The following MLLT10 variants were observed in gnomAD, a reference collection of about 807,000 sequenced individuals.
MLLT10 encodes the protein MLLT10 histone lysine methyltransferase DOT1L cofactor.
In MLLT10, 30 loss-of-function variants were observed where a neutral mutation model predicts 129.1. The observed-to-expected ratio is 0.23, with a 90% CI of 0.17 to 0.32. MLLT10 has a LOEUF of 0.32. MLLT10 is among the 10% of genes least tolerant of loss of function. The pLI is 1.00. For missense variants in MLLT10, 1,119 were observed against 1,268.3 expected, an observed-to-expected ratio of 0.88 and a Z score of 1.79; for synonymous variants, 490 against 446.4, an observed-to-expected ratio of 1.10 and a Z score of -1.23.
chr10:21,713,666 A>G (rs897153432), intron 13 of MLLT10, 106 bp from the exon 14 acceptor site: 20 of 928,386 alleles, frequency 2.2e-5, no homozygotes, highest in Non-Finnish European at 3.2e-5. Flanking sequence ...AATAAGATTT[A>G]TAATTGGAGG....
In MLLT10 at chr10:21,684,860, C is replaced by G. The variant is rs372709362; in HGVS notation, c.1699+2603C>G. 4.6e-5 allele frequency among the ~76,000 whole-genome samples: 7 copies of G among 152,286 alleles called. No individual in the cohort carries two copies. The East Asian group carries it at 7.7e-4, about 17-fold the overall frequency. Reference sequence around the variant, plus strand: ...CATCAATAGAAGCTACTTGTAGTTTCCTGATGTTATACTACTATGTGCAAC... The same window carrying G: ...CATCAATAGAAGCTACTTGTAGTTTGCTGATGTTATACTACTATGTGCAAC... On this transcript the variant is annotated intron_variant, in intron 13 of 22. Transcript: ENST00000307729.
At chr10:21,686,222 C>G (rs2053277448) in intron 13 of MLLT10, among the ~76,000 whole-genome samples, 1 of 152,130 alleles carries the variant, frequency 6.6e-6, no homozygotes, top group Admixed American at 6.5e-5. Flanking sequence ...ATACAAGGCA[C>G]TTTCTTTTAT....
intron 3 of MLLT10, among the ~76,000 whole-genome samples, chr10:21,583,296 T>A (rs977058392): frequency 3.3e-5 from 5 of 152,192 alleles, no homozygotes; most frequent in African/African-American, 1.2e-4. Flanking sequence ...TAATGGAAAT[T>A]TGGACAATGA....
At chr10:21,655,417 TG>T (rs2049470656) in intron 9 of MLLT10, among the ~76,000 whole-genome samples, 1 of 152,238 alleles carries the variant, frequency 6.6e-6, no homozygotes, top group African/African-American at 2.4e-5. Context: ...ATAGACAATT[TG>T]TAAACAAGCG....
chr10:21,634,213 A>G (rs2047254813), intron 8 of MLLT10, among the ~76,000 whole-genome samples: 1 of 152,190 alleles, frequency 6.6e-6, no homozygotes, highest in Admixed American at 6.5e-5. Context: ...CCTGGGTGAC[A>G]CAGCGAGACT....
chr10:21,638,115 A>T lies in MLLT10; in HGVS notation c.700-13558A>T, dbSNP rs368795812. ...CTACGTGCTGCTCTTCTTGGTGGGG[A>T]GAATACCTTTTGCACTTATGGATGG... On this transcript the variant is annotated intron_variant, in intron 8 of 22. Transcript: ENST00000307729. Among the ~76,000 whole-genome samples the T allele has an allele frequency of 5.9e-5, 9 of 151,854 alleles. No individual in the cohort carries two copies. In the East Asian group the frequency reaches 7.8e-4, roughly 13 times the overall value.
chr10:21,711,268 C>CA (rs2056058279), intron 13 of MLLT10, among the ~76,000 whole-genome samples: 1 of 151,982 alleles, frequency 6.6e-6, no homozygotes, highest in South Asian at 2.1e-4. Context: ...AGTAAAAATA[C>CA]AAAAATTAGC....
intron 21 of MLLT10, among the ~76,000 whole-genome samples, chr10:21,737,348 G>T (rs569146179): frequency 6.6e-6 from 1 of 152,316 alleles, no homozygotes; most frequent in African/African-American, 2.4e-5. Context: ...AGCAGAGGAA[G>T]GGGAAGCAGG....
chr10:21,712,402 A>ATATC (rs1326550354), intron 13 of MLLT10, among the ~76,000 whole-genome samples: 2 of 152,080 alleles, frequency 1.3e-5, no homozygotes, highest in Non-Finnish European at 2.9e-5. Context: ...TGTAGAGACA[A>ATATC]TATCTCCCTT....
chr10:21,622,152 C>G lies in MLLT10; in HGVS notation c.699+4945C>G, dbSNP rs1052929632. ...GTTTTTTCTTGTTTCTTTTGTTTTT[C>G]CTTTTTTTTTTTTTTTTTTTTTTGA... On this transcript the variant is annotated intron_variant, in intron 8 of 22. Coordinates refer to ENST00000307729, the MANE Select transcript of MLLT10 (RefSeq NM_001195626.3). Among the ~76,000 whole-genome samples, 3 of 131,572 alleles carry G rather than the reference C, an allele frequency of 2.3e-5. No individual in the cohort carries two copies. The Admixed American group carries it at 2.3e-4, about 10-fold the overall frequency. The allele number at this position is 131,572 out of a possible 152,430, so 86.3% of individuals were successfully genotyped here.
chr10:21,594,425 T>C (rs1345610246), intron 4 of MLLT10, among the ~76,000 whole-genome samples: 2 of 151,866 alleles, frequency 1.3e-5, no homozygotes, highest in Non-Finnish European at 2.9e-5. Flanking sequence ...GGTGCATGCC[T>C]GTAATCCCAG....
intron 8 of MLLT10, among the ~76,000 whole-genome samples, chr10:21,643,840 A>C (rs1197622568): frequency 6.6e-6 from 1 of 151,938 alleles, no homozygotes; most frequent in African/African-American, 2.4e-5. Context: ...TCTGTTCCCC[A>C]TTCATTGAAT....
At chr10:21,681,107 T>TA (rs768668382) in intron 11 of MLLT10, among the ~76,000 whole-genome samples, 1 of 152,194 alleles carries the variant, frequency 6.6e-6, no homozygotes, top group Non-Finnish European at 1.5e-5. Flanking sequence ...ATAACACAGA[T>TA]ACATTCCACA....
At chr10:21,535,798 G>A (rs10828249) in intron 2 of MLLT10, among the ~76,000 whole-genome samples, 53,423 of 152,032 alleles carry the variant, frequency 0.35, 9,921 homozygotes, top group Middle Eastern at 0.53. Context: ...AAAGGGAGAC[G>A]AAAATTTGAA....
rs745767811 is a variant in MLLT10, at chr10:21,733,588, A to G, written c.2492A>G (p.Asn831Ser). ...FLPDNSLPVL[N>S]QDLTSSGQST... The stretch of plus-strand genomic sequence containing the variant: ...CCTGATAATTCTCTTCCTGTATTAA[A>G]TCAGGTAATTTTTGTATGGTTATTT... The change falls in exon 19 of 23, where the codon AAT (asparagine) becomes AGT (serine). Residue 831 changes from asparagine to serine, a missense_variant. Transcript: ENST00000307729. 1.3e-6 allele frequency: 2 copies of G among 1,553,546 alleles called. No individual in the cohort carries two copies. Among genetic ancestry groups the G allele is most frequent in the Non-Finnish European group, 1.7e-6 (2 of 1,152,142 alleles).
At chr10:21,739,683 G>T (rs763273556) in intron 21 of MLLT10, among the ~76,000 whole-genome samples, 15 of 152,160 alleles carry the variant, frequency 9.9e-5, no homozygotes, top group Non-Finnish European at 2.1e-4. Context: ...GCAGAAACGG[G>T]AACTTTAAGG....
At chr10:21,637,501 A>C (rs951852064) in intron 8 of MLLT10, among the ~76,000 whole-genome samples, 7 of 152,166 alleles carry the variant, frequency 4.6e-5, no homozygotes, top group African/African-American at 1.4e-4. Context: ...CAGGTCTTTG[A>C]AATTTATTGG....
At chr10:21,658,788 C>T (rs985054593) in intron 9 of MLLT10, among the ~76,000 whole-genome samples, 1 of 152,064 alleles carries the variant, frequency 6.6e-6, no homozygotes, top group African/African-American at 2.4e-5. Context: ...CTCAGCCTCC[C>T]GAGTAACTGG....
chr10:21,670,731 C>G, intron 10 of MLLT10, 27 bp downstream of exon 10: 1 of 1,592,664 alleles, frequency 6.3e-7, no homozygotes, highest in South Asian at 1.1e-5. Context: ...AGTTAAAATA[C>G]TTGTGTTTAA....
Sources: allele counts gnomAD v4.1 joint callset (sites outside exome capture counted in the v4.1 genomes callset), GRCh38; gene constraint gnomAD v4.1.1; transcripts MANE v1.5; gene names NCBI Gene and HGNC (gene_info 2026-07-23, HGNC 2026-07-21).